The following ERC1 variants were observed in gnomAD, a reference collection of about 807,000 sequenced individuals.
ERC1 encodes ELKS/RAB6-interacting/CAST family member 1.
Under a neutral mutation model 132.0 loss-of-function variants are expected in ERC1, and 56 were observed. The ratio of observed to expected loss-of-function variants is 0.42; its 90% CI spans 0.34 to 0.53. The LOEUF (loss-of-function observed/expected upper bound fraction) is 0.53. Among genes scored for constraint, ERC1 ranks in the 20% least tolerant of loss-of-function variants. The pLI is 0.03. For missense variants in ERC1, 1,202 were observed against 1,349.9 expected, an observed-to-expected ratio of 0.89 and a Z score of 1.72; for synonymous variants, 478 against 476.1, an observed-to-expected ratio of 1.00 and a Z score of -0.05.
chr12:990,104 T>C (rs943350915), upstream of ERC1: 27 of 152,134 alleles, frequency 1.8e-4, no homozygotes, highest in African/African-American at 6.3e-4. Flanking sequence ...AGTGAATGAA[T>C]GTGAAGGCTG....
In ERC1 at chr12:1,284,947, T is replaced by A. The variant is rs2078946585; in HGVS notation, c.2620-4905T>A. 2.0e-5 allele frequency among the ~76,000 whole-genome samples: 3 copies of A among 152,244 alleles called. No individual in the cohort carries two copies. The South Asian group carries it at 6.2e-4, about 32-fold the overall frequency. On this transcript the variant is annotated intron_variant, in intron 14 of 18. Transcript: ENST00000360905. ...TCCCAGCTTCACTGTGGTTTTGGTT[T>A]GCGTTTCTTTGATGATTAGTGATGT...
At chr12:1,212,461 A>G (rs1156496917) in intron 12 of ERC1, among the ~76,000 whole-genome samples, 1 of 152,114 alleles carries the variant, frequency 6.6e-6, no homozygotes, top group East Asian at 1.9e-4. Context: ...GTCCACTCTA[A>G]TAGCACTTGT....
chr12:1,097,904 G>A lies in ERC1; in HGVS notation c.1087-6846G>A, dbSNP rs141307815. Among the ~76,000 whole-genome samples, 969 of 152,024 alleles carry A rather than the reference G, an allele frequency of 6.4e-3. 8 individuals are homozygous for A. Among genetic ancestry groups the A allele is most frequent in the African/African-American group, 0.021 (886 of 41,462 alleles). On this transcript the variant is annotated intron_variant, in intron 3 of 18. Transcript: ENST00000360905. ...TACTTTTTGTATTTTTGGAAGAGACGGGGTTTTGCCATGTTTGCCAGGCTG... is the reference window on the plus strand; with the variant it reads ...TACTTTTTGTATTTTTGGAAGAGACAGGGTTTTGCCATGTTTGCCAGGCTG...
chr12:1,340,841 C>A (rs190809025), intron 15 of ERC1, among the ~76,000 whole-genome samples: 1 of 152,120 alleles, frequency 6.6e-6, no homozygotes, highest in African/African-American at 2.4e-5. Flanking sequence ...CTCAAGCAGT[C>A]CTCCTCCCTT....
intron 2 of ERC1, among the ~76,000 whole-genome samples, chr12:1,072,937 C>G (rs754005576): frequency 3.9e-5 from 6 of 152,164 alleles, no homozygotes; most frequent in Admixed American, 3.9e-4. Context: ...ACATGATCTG[C>G]GTGCCTTGCC....
chr12:1,395,934 T>TAA (rs34938767), intron 16 of ERC1, among the ~76,000 whole-genome samples: 4 of 148,536 alleles, frequency 2.7e-5, no homozygotes, highest in African/African-American at 9.9e-5. Context: ...CATGGAGTCT[T>TAA]AAAAAAAAAA....
At chr12:1,253,018 C>A (rs1429863879) in intron 13 of ERC1, among the ~76,000 whole-genome samples, 1 of 152,196 alleles carries the variant, frequency 6.6e-6, no homozygotes, top group African/African-American at 2.4e-5. Context: ...ACATTAATAT[C>A]TTTCAGAACA....
chr12:1,382,203 A>C (rs1337108082), intron 16 of ERC1, among the ~76,000 whole-genome samples: 1 of 152,238 alleles, frequency 6.6e-6, no homozygotes, highest in Non-Finnish European at 1.5e-5. Flanking sequence ...AATATCAAAC[A>C]CTTCACATTT....
intron 15 of ERC1, among the ~76,000 whole-genome samples, chr12:1,292,115 G>A (rs1190954189): frequency 6.6e-6 from 1 of 152,136 alleles, no homozygotes; most frequent in Admixed American, 6.5e-5. Context: ...TAGTTCATTC[G>A]ACACTGCCCT....
chr12:1,418,328 TC>T (rs2092224653), intron 17 of ERC1, among the ~76,000 whole-genome samples: 1 of 152,202 alleles, frequency 6.6e-6, no homozygotes, highest in Non-Finnish European at 1.5e-5. Context: ...TAAAGAATTT[TC>T]TGACCTGCCT....
chr12:1,029,024 G>A (rs4765691), intron 2 of ERC1, among the ~76,000 whole-genome samples: 146,068 of 152,244 alleles, frequency 0.96, 70,340 homozygotes, highest in East Asian at 1. Flanking sequence ...CACAGGATAA[G>A]TCAGTGTTGT....
chr12:1,003,096 C>CAAAAAAAAAAAAA (rs59507923), intron 1 of ERC1, among the ~76,000 whole-genome samples: 2 of 86,908 alleles, frequency 2.3e-5, no homozygotes, highest in Non-Finnish European at 4.0e-5. Context: ...ATGAAAAATG[C>CAAAAAAAAAAAAA]AAAAAAAAAA....
At chr12:1,289,273 T>TTCC (rs2079264556) in intron 14 of ERC1, among the ~76,000 whole-genome samples, 2 of 150,782 alleles carry the variant, frequency 1.3e-5, no homozygotes, top group African/African-American at 4.9e-5. Context: ...AGGGTTATAT[T>TTCC]TCCTTCCTGC....
chr12:1,259,642 C>T (rs1300376608), intron 13 of ERC1, among the ~76,000 whole-genome samples: 1 of 151,000 alleles, frequency 6.6e-6, no homozygotes, highest in Non-Finnish European at 1.5e-5. Context: ...CCTGCCTCAA[C>T]CTCCTGAGTA....
At chr12:1,323,911 G>T (rs7966310) in intron 15 of ERC1, among the ~76,000 whole-genome samples, 1 of 151,908 alleles carries the variant, frequency 6.6e-6, no homozygotes, top group Non-Finnish European at 1.5e-5. Context: ...CCGGAATTTC[G>T]CCTCTGCTAT....
chr12:1,036,443 C>T (rs1235332748), intron 2 of ERC1, among the ~76,000 whole-genome samples: 1 of 150,234 alleles, frequency 6.7e-6, no homozygotes, highest in Non-Finnish European at 1.5e-5. Flanking sequence ...GGTGCGATCT[C>T]GGCTCAGTGC....
chr12:1,392,014 A>AG lies in ERC1; in HGVS notation c.2926-16134dup, dbSNP rs1441779916. ...TGTACTTTTATACTTAGTGTGCTGG[A>AG]GAAAAAAAAATATTCCTGATACTTC... On this transcript the variant is annotated intron_variant, in intron 16 of 18. Coordinates refer to ENST00000360905, the MANE Select transcript of ERC1 (RefSeq NM_178040.4). Among the ~76,000 whole-genome samples the AG allele has an allele frequency of 7.9e-5, 12 of 152,252 alleles. No homozygotes were observed. The East Asian group carries it at 2.1e-3, about 27-fold the overall frequency.
At chr12:1,289,233 A>G (rs1202382174) in intron 14 of ERC1, among the ~76,000 whole-genome samples, 3 of 148,904 alleles carry the variant, frequency 2.0e-5, no homozygotes, top group African/African-American at 7.4e-5. Flanking sequence ...ATATAGGTAT[A>G]TATATGCCTG....
In ERC1 at chr12:1,263,076, G is replaced by A; in HGVS notation, c.2530G>A (p.Glu844Lys). ...GGATGACAGGATTGAAGAGCTGGAA[G>A]AAGCACTAAGAGAAAGTGTACAGAT... ...KKDDRIEELE[E>K]ALRESVQITA... is the part of the protein sequence containing the mutation. Residue 844 changes from glutamate to lysine, a missense_variant, in exon 14 of 19, where the codon GAA becomes AAA. By Grantham distance (56) the Glu-to-Lys change is moderately conservative. Transcript: ENST00000360905. 2 of 1,614,034 alleles carry A rather than the reference G, an allele frequency of 1.2e-6. No individual in the cohort carries two copies. Among genetic ancestry groups the A allele is most frequent in the Non-Finnish European group, 1.7e-6 (2 of 1,179,940 alleles).
Sources: gnomAD v4.1 joint callset for allele counts (sites outside exome capture counted in the v4.1 genomes callset) on GRCh38, gnomAD v4.1.1 for gene constraint, MANE v1.5 for transcripts, NCBI Gene and HGNC (gene_info 2026-07-23, HGNC 2026-07-21) for gene names.